Variants in CRYM observed in about 807,000 individuals in gnomAD.
The protein encoded by CRYM is crystallin mu, also known as ketimine reductase mu-crystallin.
A neutral mutation model predicts 32.9 loss-of-function variants in CRYM; 18 were observed. That is an observed-to-expected ratio of 0.55 (90% CI 0.38 to 0.81). The LOEUF is 0.81. CRYM is among the 30% of genes least tolerant of loss of function. The probability of loss-of-function intolerance (pLI) is 0.00; values close to 1 mark genes in which losing one functional copy is unlikely to be tolerated. For synonymous variants in CRYM, 153 were observed against 152.4 expected, an observed-to-expected ratio of 1.00 and a Z score of -0.03; for missense variants, 337 against 393.5, an observed-to-expected ratio of 0.86 and a Z score of 1.21.
intron 4 of CRYM, among the ~76,000 whole-genome samples, chr16:21,269,430 T>C (rs226054): frequency 0.32 from 48,339 of 151,950 alleles, 9,212 homozygotes; most frequent in African/African-American, 0.53. Context: ...TCTTGATCCA[T>C]AACCTTGAAT....
At chr16:21,287,567 A>T (rs2093409580) in intron 1 of CRYM, among the ~76,000 whole-genome samples, 1 of 152,214 alleles carries the variant, frequency 6.6e-6, no homozygotes, top group Non-Finnish European at 1.5e-5. Context: ...TTCAGCCCAC[A>T]TCCTCACCCC....
At chr16:21,281,837 T>C (rs1295250901), upstream of CRYM, among the ~76,000 whole-genome samples, 1 of 152,230 alleles carries the variant, frequency 6.6e-6, no homozygotes, top group Non-Finnish European at 1.5e-5. Flanking sequence ...TAAATACACA[T>C]GCATCAGGAC....
rs1048464334 is a variant in CRYM at position 21,291,346 on chromosome 16, T to C, written c.-193+11632A>G. On this transcript the variant is annotated intron_variant, in intron 1 of 9. Transcript: ENST00000219599. ...TAAATTACAGTACAGAAAGTGAGTA[T>C]CTGAGGCTCTACAAATCTCATCAGA... Among the ~76,000 whole-genome samples, 5 of 152,316 alleles carry C rather than the reference T, an allele frequency of 3.3e-5. 1 individual carries two copies. The Middle Eastern group carries it at 0.01, about 311-fold the overall frequency.
At chr16:21,270,292 C>CA (rs2093372555) in intron 3 of CRYM, among the ~76,000 whole-genome samples, 1 of 149,676 alleles carries the variant, frequency 6.7e-6, no homozygotes, top group Non-Finnish European at 1.5e-5. Context: ...TCTTTCTTTT[C>CA]TTTTTTTTTG....
rs1199197472 is a variant in CRYM at position 21,277,403 on chromosome 16, T to TG, written c.324+27_324+28insC. 1 of 1,610,788 alleles carries TG rather than the reference T, an allele frequency of 6.2e-7. No individual in the cohort carries two copies. The highest frequency in any genetic ancestry group is 2.2e-5 in the East Asian group (1 of 44,882). ...CTTCAATCTGGGCCCAGGGGCCCCA[T>TG]TCCACCCCGGGACAGGAAGTTGCTC... On this transcript the variant is annotated intron_variant, in intron 2 of 7. Transcript: ENST00000572914. This position sits in a 1 kb window ranked among gnomAD's most constrained non-coding sequence, Gnocchi z 4.2.
At chr16:21,279,069 A>G (rs1209918711), upstream of CRYM, 1 of 152,232 alleles carries the variant, frequency 6.6e-6, no homozygotes, top group Non-Finnish European at 1.5e-5. Context: ...GAAAAGAGAG[A>G]TGATTTTGAC....
intron 3 of CRYM, 87 bp downstream of exon 3, chr16:21,275,445 C>T (rs2093384331): frequency 1.6e-6 from 2 of 1,218,210 alleles, no homozygotes; most frequent in East Asian, 2.3e-5. Context: ...AAATAAGTTC[C>T]CCACTTCTCC....
intron 5 of CRYM, among the ~76,000 whole-genome samples, chr16:21,263,896 T>C (rs1231359035): frequency 6.6e-6 from 1 of 152,250 alleles, no homozygotes; most frequent in East Asian, 1.9e-4. Context: ...CGTGTGAATG[T>C]AGATCCACTG....
At chr16:21,262,223 G>C (rs1597613247) in intron 5 of CRYM, 65 bp from the exon 6 acceptor site, 3 of 1,606,984 alleles carry the variant, frequency 1.9e-6, no homozygotes, top group South Asian at 1.1e-5. Context: ...GAAGCCCAAA[G>C]CACAGGAGAG....
Position 21,262,145 on chromosome 16 carries a change from G to A in CRYM, c.687C>T (p.Ser229=). Residue 229 remains serine, a synonymous_variant, in exon 6 of 8, where the codon AGC becomes AGT. Coordinates refer to ENST00000572914, the MANE Select transcript of CRYM (RefSeq NM_001376256.1). ...CATCCAGTTCTCTCCAGTCAGGTCT[G>A]CTGGCTCCAACAGCTAAGAGACAGC... ...PGAHINAVGA[S]RPDWRELDDE... 4 of 1,614,068 alleles carry A rather than the reference G, an allele frequency of 2.5e-6. No homozygotes were observed. Among genetic ancestry groups the A allele is most frequent in the Non-Finnish European group, 3.4e-6 (4 of 1,179,954 alleles).
upstream of CRYM, among the ~76,000 whole-genome samples, chr16:21,280,639 A>G (rs2093396471): frequency 6.6e-6 from 1 of 152,254 alleles, no homozygotes. Context: ...CAAATTATAA[A>G]CAGGATCTAA....
chr16:21,272,161 C>T (rs572826395), intron 3 of CRYM, among the ~76,000 whole-genome samples: 1 of 152,136 alleles, frequency 6.6e-6, no homozygotes, highest in East Asian at 1.9e-4. Context: ...CTGCACCCAG[C>T]CGATTTTTAA....
intron 1 of CRYM, among the ~76,000 whole-genome samples, chr16:21,288,489 T>A (rs1157343320): frequency 2.3e-5 from 3 of 132,874 alleles, no homozygotes; most frequent in African/African-American, 9.8e-5. Flanking sequence ...CTTAGTTTCC[T>A]GATTTTAATA....
At chr16:21,260,364 A>G (rs147358798) in intron 7 of CRYM, among the ~76,000 whole-genome samples, 1,918 of 152,110 alleles carry the variant, frequency 0.013, 31 homozygotes, top group African/African-American at 0.043. Flanking sequence ...GGAGTGCACG[A>G]TGTCAGCTCA....
intron 1 of CRYM, among the ~76,000 whole-genome samples, chr16:21,295,980 T>C (rs1471647815): frequency 6.6e-6 from 1 of 152,008 alleles, no homozygotes; most frequent in Non-Finnish European, 1.5e-5. Context: ...CTCCTATATA[T>C]GAAACTATTT....
At chr16:21,261,988 G>A (rs1345826927) in intron 6 of CRYM, 49 bp downstream of exon 6, 1 of 1,612,356 alleles carries the variant, frequency 6.2e-7, no homozygotes, top group Admixed American at 1.7e-5. Context: ...CTGGGATCCA[G>A]GTGAGGCCAG....
chr16:21,262,876 C>T (rs1483103340), intron 5 of CRYM, among the ~76,000 whole-genome samples: 1 of 152,112 alleles, frequency 6.6e-6, no homozygotes, highest in East Asian at 1.9e-4. Context: ...TGGGTGAATC[C>T]AGGTCTGAGA....
At chr16:21,272,484 C>T (rs762802362) in intron 3 of CRYM, among the ~76,000 whole-genome samples, 2 of 152,116 alleles carry the variant, frequency 1.3e-5, no homozygotes, top group East Asian at 1.9e-4. Context: ...CCTTGCCATA[C>T]GATGCTAGGC....
At chr16:21,267,357 C>T (rs1419403717) in intron 5 of CRYM, among the ~76,000 whole-genome samples, 197 bp downstream of exon 5, 1 of 152,168 alleles carries the variant, frequency 6.6e-6, no homozygotes, top group African/African-American at 2.4e-5. Flanking sequence ...CTCAGTCTCC[C>T]AAAGTGCTGG....
Sources: allele counts gnomAD v4.1 joint callset (sites outside exome capture counted in the v4.1 genomes callset), GRCh38; gene constraint gnomAD v4.1.1; non-coding constraint Gnocchi (gnomAD v3.1); transcripts MANE v1.5; gene names NCBI Gene and HGNC (gene_info 2026-07-23, HGNC 2026-07-21).